LIMA1: variants seen among roughly 807,000 people sequenced by gnomAD.
The protein encoded by LIMA1 is LIM domain and actin-binding protein 1.
LIMA1 carries 52 observed loss-of-function variants against 62.6 expected under a neutral mutation model. That is an observed-to-expected ratio of 0.83 (90% CI 0.67 to 1.05). The LOEUF is 1.05. Among genes scored for constraint, LIMA1 ranks in the 50% least tolerant of loss-of-function variants. The pLI is 0.00. For missense variants in LIMA1, 780 were observed against 902.2 expected, an observed-to-expected ratio of 0.86 and a Z score of 1.74; for synonymous variants, 302 against 317.8, an observed-to-expected ratio of 0.95 and a Z score of 0.53.
At chr12:50,278,237 G>A (rs375500062) in intron 1 of LIMA1, among the ~76,000 whole-genome samples, 14 of 152,088 alleles carry the variant, frequency 9.2e-5, no homozygotes, top group Admixed American at 3.3e-4. Context: ...TGGCTAACAC[G>A]GTGAAACCCC....
intron 6 of LIMA1, among the ~76,000 whole-genome samples, chr12:50,202,388 T>TA (rs113986199): frequency 7.4e-4 from 109 of 147,198 alleles, no homozygotes; most frequent in East Asian, 6.1e-3. Flanking sequence ...GGTTAGGAGT[T>TA]AAAAAAAAAA....
At chr12:50,208,743 C>T (rs532278041) in intron 4 of LIMA1, among the ~76,000 whole-genome samples, 2 of 151,904 alleles carry the variant, frequency 1.3e-5, no homozygotes, top group South Asian at 4.2e-4. Flanking sequence ...TTTGGTGGTT[C>T]ATGCCTGTAA....
chr12:50,258,120 C>T (rs1414916428), intron 1 of LIMA1, among the ~76,000 whole-genome samples: 1 of 152,120 alleles, frequency 6.6e-6, no homozygotes, highest in African/African-American at 2.4e-5. Flanking sequence ...ATTTACCATG[C>T]CTCAGCCCTG....
At position 50,178,080 on chromosome 12, in the gene LIMA1, A is replaced by G; in HGVS notation, c.1275-11T>C. ...GCATATGTTCCTAGACTGTCATTAAAAGAAAAAAAGCATAAACTTAGCAAA... is the reference window on the plus strand; with the variant it reads ...GCATATGTTCCTAGACTGTCATTAAGAGAAAAAAAGCATAAACTTAGCAAA... On this transcript the variant is annotated splice_polypyrimidine_tract_variant and intron_variant, in intron 10 of 10. Transcript: ENST00000341247. 7.0e-7 allele frequency: 1 copy of G among 1,421,212 alleles called. No homozygotes were observed. The highest frequency in any genetic ancestry group is 9.2e-7 in the Non-Finnish European group (1 of 1,085,568). 88.0% of individuals were successfully genotyped at this position (1,421,212 alleles called of 1,614,324 possible).
intron 10 of LIMA1, among the ~76,000 whole-genome samples, chr12:50,178,404 G>A (rs2138368552): frequency 6.6e-6 from 1 of 152,138 alleles, no homozygotes; most frequent in Non-Finnish European, 1.5e-5. Flanking sequence ...AAAATTAGCT[G>A]GGTGTGGTGG....
chr12:50,193,457 G>C (rs1184137080), intron 8 of LIMA1, among the ~76,000 whole-genome samples: 2 of 140,126 alleles, frequency 1.4e-5, no homozygotes, highest in Non-Finnish European at 3.0e-5. Flanking sequence ...TTTTTGTCTT[G>C]TGACCTACAA....
At chr12:50,257,882 C>T (rs1054080457) in intron 1 of LIMA1, among the ~76,000 whole-genome samples, 5 of 152,202 alleles carry the variant, frequency 3.3e-5, no homozygotes, top group African/African-American at 9.7e-5. Flanking sequence ...GCATGAGCCA[C>T]CACGTCCAGC....
At position 50,225,186 on chromosome 12, in the gene LIMA1, G is replaced by A. The variant is rs534559590; in HGVS notation, c.166-2701C>T. On this transcript the variant is annotated intron_variant, in intron 3 of 10. Transcript: ENST00000341247. The stretch of plus-strand genomic sequence containing the variant: ...CAAAGTGCTGGGATTATAGGCATGA[G>A]CCACTGCGCCTGGCCCCAACTGTCT... Among the ~76,000 whole-genome samples, 26 of 152,210 alleles carry A rather than the reference G, an allele frequency of 1.7e-4. 1 individual carries two copies. Among genetic ancestry groups the A allele is most frequent in the Middle Eastern group, 3.4e-3 (1 of 294 alleles).
At chr12:50,210,807 G>A (rs1034926145) in intron 4 of LIMA1, among the ~76,000 whole-genome samples, 8 of 152,042 alleles carry the variant, frequency 5.3e-5, no homozygotes, top group Admixed American at 1.3e-4. Context: ...TCAAAACTCT[G>A]CATTAATTTA....
intron 1 of LIMA1, among the ~76,000 whole-genome samples, chr12:50,261,042 A>ATATATTTTTTTTTTTT (rs1383547189): frequency 1.3e-4 from 7 of 54,296 alleles, no homozygotes; most frequent in Admixed American, 3.4e-4. Flanking sequence ...CATCTAGTAT[A>ATATATTTTTTTTTTTT]TTTTTTTTTT....
chr12:50,260,646 T>C (rs932795888), intron 1 of LIMA1, among the ~76,000 whole-genome samples: 41 of 152,186 alleles, frequency 2.7e-4, no homozygotes, highest in African/African-American at 9.2e-4. Context: ...TAACATAGTA[T>C]AACAAAATGT....
chr12:50,207,816 G>C (rs1021076222), intron 4 of LIMA1, among the ~76,000 whole-genome samples: 1 of 151,706 alleles, frequency 6.6e-6, no homozygotes, highest in Non-Finnish European at 1.5e-5. Flanking sequence ...CTTGAACCAG[G>C]GGGGCAGAGG....
intron 5 of LIMA1, among the ~76,000 whole-genome samples, chr12:50,205,422 A>T (rs1045568879): frequency 5.9e-5 from 9 of 152,040 alleles, no homozygotes; most frequent in Admixed American, 5.2e-4. Flanking sequence ...AGAGATCTCA[A>T]TGCTTTTTAA....
intron 1 of LIMA1, among the ~76,000 whole-genome samples, chr12:50,272,695 G>A (rs758964845): frequency 2.6e-5 from 4 of 151,564 alleles, no homozygotes; most frequent in East Asian, 2.0e-4. Flanking sequence ...AAATCACACC[G>A]CCACACAAGT....
chr12:50,247,393 A>G (rs1941865159), intron 2 of LIMA1, among the ~76,000 whole-genome samples: 1 of 151,644 alleles, frequency 6.6e-6, no homozygotes, highest in South Asian at 2.1e-4. Context: ...GAACTGAGCC[A>G]CCAAGCCAAA....
chr12:50,193,570 GAT>G (rs67576611), intron 8 of LIMA1, among the ~76,000 whole-genome samples: 36,938 of 114,040 alleles, frequency 0.32, 6,061 homozygotes, highest in South Asian at 0.41. Context: ...ATGTATATAT[GAT>G]ATATATATAC....
At chr12:50,261,043 T>TATATATATATA (rs1491446528) in intron 1 of LIMA1, among the ~76,000 whole-genome samples, 2 of 18,516 alleles carry the variant, frequency 1.1e-4, no homozygotes, top group African/African-American at 7.3e-4. Flanking sequence ...ATCTAGTATA[T>TATATATATATA]TTTTTTTTTT....
rs756291879 is a variant in LIMA1 at position 50,192,513 on chromosome 12, G to A, written c.1079C>T (p.Pro360Leu). The A allele has an allele frequency of 6.2e-7, 1 of 1,614,114 alleles. No individual in the cohort carries two copies. The highest frequency in any genetic ancestry group is 2.2e-5 in the East Asian group (1 of 44,888). ...GGAGGCTCTGGAATCTGGACTTAGT[G>A]GCTTGGGATGGACAGGCTGTTGAAC... ...SEVQQPVHPK[P>L]LSPDSRASSL... The change falls in exon 9 of 11, where the codon CCA (proline) becomes CTA (leucine). Residue 360 changes from proline to leucine, a missense_variant. Transcript: ENST00000341247.
At chr12:50,272,527 G>T (rs1034709352) in intron 1 of LIMA1, among the ~76,000 whole-genome samples, 2 of 151,142 alleles carry the variant, frequency 1.3e-5, no homozygotes, top group East Asian at 2.0e-4. Context: ...GGGAGGTGGA[G>T]GTTGCAGTGA....
Sources: gnomAD v4.1 joint callset for allele counts (sites outside exome capture counted in the v4.1 genomes callset) on GRCh38, gnomAD v4.1.1 for gene constraint, MANE v1.5 for transcripts, NCBI Gene and HGNC (gene_info 2026-07-23, HGNC 2026-07-21) for gene names.